Variants in DDX54 observed in about 807,000 individuals in gnomAD.
DDX54 encodes DEAD-box helicase 54.
A neutral mutation model predicts 105.5 loss-of-function variants in DDX54; 67 were observed. The ratio of observed to expected loss-of-function variants is 0.64; its 90% CI spans 0.52 to 0.78. DDX54 has a LOEUF of 0.78. Ranked by LOEUF, DDX54 falls within the 30% of genes least tolerant of loss-of-function variation. The pLI, the probability that DDX54 is intolerant of heterozygous loss-of-function variation, is 0.00. For missense variants in DDX54, 1,206 were observed against 1,230.5 expected, an observed-to-expected ratio of 0.98 and a Z score of 0.30; for synonymous variants, 514 against 509.9, an observed-to-expected ratio of 1.01 and a Z score of -0.11.
chr12:113,178,196 C>A (rs1384635373), intron 5 of DDX54, among the ~76,000 whole-genome samples: 1 of 152,176 alleles, frequency 6.6e-6, no homozygotes, highest in Admixed American at 6.5e-5. Flanking sequence ...GTGATTGCGC[C>A]ACTGTACTCC....
At chr12:113,161,512 C>T (rs1214441650) in intron 18 of DDX54, 130 bp from the exon 19 acceptor site, 2 of 666,076 alleles carry the variant, frequency 3.0e-6, no homozygotes, top group Non-Finnish European at 5.1e-6. Flanking sequence ...GCCCCCAGCA[C>T]ACAGGTCCCA....
intron 10 of DDX54, among the ~76,000 whole-genome samples, 194 bp downstream of exon 10, chr12:113,174,446 C>T (rs1029446627): frequency 2.6e-5 from 4 of 152,266 alleles, no homozygotes; most frequent in Middle Eastern, 3.4e-3. Flanking sequence ...ACGATTGTGC[C>T]ACTGCACTCT....
At chr12:113,173,082 T>C (rs1476192323) in intron 10 of DDX54, among the ~76,000 whole-genome samples, 3 of 152,202 alleles carry the variant, frequency 2.0e-5, no homozygotes, top group African/African-American at 7.2e-5. Context: ...GGCTCACGCC[T>C]GTAATCCAGC....
intron 3 of DDX54, 47 bp from the exon 4 acceptor site, chr12:113,179,378 AC>A: frequency 6.3e-7 from 1 of 1,590,854 alleles, no homozygotes; most frequent in Non-Finnish European, 8.5e-7. Flanking sequence ...CTCCCCAAAC[AC>A]CATGTGATCC....
At chr12:113,182,474 G>A (rs148501672) in intron 1 of DDX54, among the ~76,000 whole-genome samples, 146 of 152,220 alleles carry the variant, frequency 9.6e-4, no homozygotes, top group African/African-American at 3.2e-3. Context: ...GCCAACCCCT[G>A]CTCTAGGTAC....
chr12:113,169,840 G>C lies in DDX54; in HGVS notation c.1344C>G (p.Pro448=), dbSNP rs1302623522. 6.2e-7 allele frequency: 1 copy of C among 1,614,118 alleles called. No individual in the cohort carries two copies. Residue 448 remains proline (P), a synonymous_variant, in exon 12 of 20, where the codon CCC becomes CCG. Coordinates refer to ENST00000306014, the MANE Select transcript of DDX54 (RefSeq NM_024072.4). ...AYSLVAPDEI[P]YLLDLHLFLG... is the part of the protein sequence containing the mutation. ...GGAACAGGTGCAGATCCAGCAGGTAGGGGATTTCATCAGGGGCCACCAAGG... is the reference window on the plus strand; with the variant it reads ...GGAACAGGTGCAGATCCAGCAGGTACGGGATTTCATCAGGGGCCACCAAGG...
rs143086274 is a variant in DDX54 at position 113,157,230 on chromosome 12, TAAAAC to T, written c.*1642_*1646del. 350 of 217,180 alleles carry T rather than the reference TAAAAC, an allele frequency of 1.6e-3. 2 individuals are homozygous for T. The highest frequency in any genetic ancestry group is 7.4e-3 in the African/African-American group (332 of 44,604). 13.5% of individuals were successfully genotyped at this position (217,180 alleles called of 1,614,324 possible). On this transcript the variant is annotated 3_prime_UTR_variant, in exon 20 of 20. Transcript: ENST00000306014. The stretch of plus-strand genomic sequence containing the variant: ...AGTTCATATTCATAAAGAAGTTAAT[TAAAAC>T]AAAAGGAGAGCCACCCACGGAGATA...
At chr12:113,173,771 A>T (rs1418113698) in intron 10 of DDX54, among the ~76,000 whole-genome samples, 1 of 152,226 alleles carries the variant, frequency 6.6e-6, no homozygotes, top group Non-Finnish European at 1.5e-5. Context: ...TGTAAGGGGA[A>T]CTAACGGATG....
intron 10 of DDX54, among the ~76,000 whole-genome samples, chr12:113,173,666 G>T (rs575972290): frequency 6.6e-6 from 1 of 152,298 alleles, no homozygotes; most frequent in African/African-American, 2.4e-5. Flanking sequence ...CTACATGCAG[G>T]TCATGCCTCA....
In DDX54 at chr12:113,185,457, C is replaced by CCG; in HGVS notation, c.-8_-7dup. On this transcript the variant is annotated 5_prime_UTR_variant, in exon 1 of 20. Transcript: ENST00000306014. ...GGGCCCTTGTCGGCCGCCATTCGGG[C>CCG]CGCGCGCTGGGAACGCAGAAGGGGG... 1 of 1,498,514 alleles carries CCG rather than the reference C, an allele frequency of 6.7e-7. No individual in the cohort carries two copies. The highest frequency in any genetic ancestry group is 8.9e-7 in the Non-Finnish European group (1 of 1,127,894). 92.8% of individuals were successfully genotyped at this position (1,498,514 alleles called of 1,614,324 possible). A position where few individuals can be genotyped will look rare whatever the true frequency, so the allele number is the denominator to read the frequency against.
intron 2 of DDX54, 120 bp from the exon 3 acceptor site, chr12:113,180,125 A>T (rs1425310446): frequency 1.1e-6 from 1 of 946,184 alleles, no homozygotes; most frequent in African/African-American, 1.6e-5. Flanking sequence ...AAAAAAAAGC[A>T]ATAAAGCACA....
At chr12:113,160,187 G>A (rs928702609) in intron 19 of DDX54, among the ~76,000 whole-genome samples, 1 of 152,190 alleles carries the variant, frequency 6.6e-6, no homozygotes, top group Admixed American at 6.5e-5. Context: ...TGGGAGAGCT[G>A]GAGAGGGAGG....
At chr12:113,159,466 G>T (rs1566091571) in intron 19 of DDX54, among the ~76,000 whole-genome samples, 1 of 152,114 alleles carries the variant, frequency 6.6e-6, no homozygotes, top group Non-Finnish European at 1.5e-5. Context: ...GAATTTCAAG[G>T]CCTGTCCCAT....
rs1365416852 is a variant in DDX54 at position 113,159,084 on chromosome 12, G to T, written c.2439C>A (p.Gly813=). Residue 813 remains glycine, a synonymous_variant, in exon 20 of 20, where the codon GGC becomes GGA. Coordinates refer to ENST00000306014, the MANE Select transcript of DDX54 (RefSeq NM_024072.4). The stretch of plus-strand genomic sequence containing the variant: ...CCGGGCGGACTCGGCCTGCAGGGGT[G>T]CCTGGGGCGTGGGGCCGGGATGCAC... The part of the protein sequence containing the change: ...GQGASRPHAP[G]TPAGRVRPEL... 1.9e-6 allele frequency: 3 copies of T among 1,605,426 alleles called. No homozygotes were observed. The highest frequency in any genetic ancestry group is 1.7e-5 in the Admixed American group (1 of 59,586).
At chr12:113,183,382 G>C (rs752758487) in intron 1 of DDX54, among the ~76,000 whole-genome samples, 10 of 152,232 alleles carry the variant, frequency 6.6e-5, no homozygotes, top group Non-Finnish European at 1.3e-4. Flanking sequence ...ATTACCTTTA[G>C]TAGTTTCTCT....
chr12:113,165,648 C>T lies in DDX54; in HGVS notation c.1715G>A (p.Arg572Gln), dbSNP rs58401684. ...LVDSIKNYRS[R>Q]ATIFEINASS... ...TCTCCACCCGGCCCCACTCACCGCC[C>T]GGGAGCGGTAGTTCTTTATGCTGTC... The change falls in exon 14 of 20, where the codon CGG becomes CAG. Residue 572 changes from arginine to glutamine, a missense_variant. By Grantham distance (43) the Arg-to-Gln change is conservative. Around this residue, in one of 3 missense-constraint regions of DDX54, gnomAD observed 961 missense variants for 1,019.1 expected, o/e 0.94. Coordinates refer to ENST00000306014, the MANE Select transcript of DDX54 (RefSeq NM_024072.4). 5.2e-4 allele frequency: 843 copies of T among 1,608,544 alleles called. 8 individuals carry two copies. The African/African-American group carries it at 8.7e-3, about 17-fold the overall frequency.
Position 113,159,076 on chromosome 12 carries a change from G to A in DDX54, c.2447C>T (p.Ala816Val), listed in dbSNP as rs1046189400. ...ASRPHAPGTP[A>V]GRVRPELKTK... is the part of the protein sequence containing the mutation. ...CTTGAGTTCCGGGCGGACTCGGCCT[G>A]CAGGGGTGCCTGGGGCGTGGGGCCG... Residue 816 changes from alanine to valine, a missense_variant, in exon 20 of 20, where the codon GCA becomes GTA. Physicochemically the swap from Ala to Val is moderately conservative, Grantham distance 64. This residue lies in a region of DDX54 where 961 missense variants were observed against 1,019.1 expected (regional missense o/e 0.94). Coordinates refer to ENST00000306014, the MANE Select transcript of DDX54 (RefSeq NM_024072.4). The A allele has an allele frequency of 2.5e-6, 4 of 1,607,272 alleles. No individual in the cohort carries two copies. In the African/African-American group the frequency reaches 5.3e-5, roughly 21 times the overall value.
intron 12 of DDX54, among the ~76,000 whole-genome samples, chr12:113,167,360 G>C (rs1427972458): frequency 6.6e-6 from 1 of 152,162 alleles, no homozygotes; most frequent in Non-Finnish European, 1.5e-5. Flanking sequence ...CTGGGTGACA[G>C]AGTGAGCCCC....
At chr12:113,172,959 T>C (rs201210368) in intron 10 of DDX54, among the ~76,000 whole-genome samples, 11 of 143,858 alleles carry the variant, frequency 7.6e-5, no homozygotes, top group African/African-American at 2.5e-4. Context: ...TTGTGCCTTA[T>C]TATGAGGATC....
Sources: gnomAD v4.1 joint callset for allele counts (sites outside exome capture counted in the v4.1 genomes callset) on GRCh38, gnomAD v4.1.1 for gene constraint, gnomAD v4.1.1 regional missense constraint, MANE v1.5 for transcripts, NCBI Gene and HGNC (gene_info 2026-07-23, HGNC 2026-07-21) for gene names.